HRK: variants seen among roughly 807,000 people sequenced by gnomAD.
HRK encodes harakiri, BCL2 interacting protein, also known as activator of apoptosis harakiri.
A neutral mutation model predicts 5.9 loss-of-function variants in HRK; 6 were observed. The ratio of observed to expected loss-of-function variants is 1.02; its 90% confidence interval spans 0.56 to 2.01. The LOEUF is 2.01. Among genes scored for constraint, HRK ranks in the 30% most tolerant of loss-of-function variants. HRK has a pLI of 0.00. For missense variants in HRK, 133 were observed against 128.3 expected (o/e 1.04, Z -0.18); for synonymous variants, 85 against 65.1 (o/e 1.31, Z -1.47).
chr12:116,868,129 A>AT (rs5801204), intron 1 of HRK, among the ~76,000 whole-genome samples: 12 of 149,450 alleles, frequency 8.0e-5, no homozygotes, highest in South Asian at 4.2e-4. Context: ...AAAATGACTG[A>AT]TTTTTTTTTT....
chr12:116,872,577 C>T (rs534950715), intron 1 of HRK, among the ~76,000 whole-genome samples: 9 of 151,814 alleles, frequency 5.9e-5, no homozygotes, highest in African/African-American at 2.2e-4. Context: ...GAGTTCAAGA[C>T]CAGCCTGGGC....
rs770658093 is a variant in HRK at position 116,881,008 on chromosome 12, G to C, written c.*24C>G. On this transcript the variant is annotated 3_prime_UTR_variant, in exon 1 of 2. Coordinates refer to ENST00000257572, the MANE Select transcript of HRK (RefSeq NM_003806.4). ...TCGCTCCGGCTGGGTCTCGGCTCCGGCCCCACCAAGAAGCCCCGCGTTCCT... is the reference window on the plus strand; with the variant it reads ...TCGCTCCGGCTGGGTCTCGGCTCCGCCCCCACCAAGAAGCCCCGCGTTCCT... 1.5e-6 allele frequency: 2 copies of C among 1,314,748 alleles called. No homozygotes were observed. The highest frequency in any genetic ancestry group is 9.7e-7 in the Non-Finnish European group (1 of 1,034,774). 81.4% of individuals were successfully genotyped at this position (1,314,748 alleles called of 1,614,324 possible).
Position 116,859,670 on chromosome 12 carries a change from C to T in HRK, c.*1853G>A, listed in dbSNP as rs1271784846. 2 of 146,452 alleles carry T rather than the reference C, an allele frequency of 1.4e-5. No individual in the cohort carries two copies. Among genetic ancestry groups the T allele is most frequent in the African/African-American group, 4.9e-5 (2 of 40,484 alleles). The allele number at this position is 146,452 out of a possible 1,614,324, so 9.1% of individuals were successfully genotyped here. On this transcript the variant is annotated 3_prime_UTR_variant, in exon 2 of 2. Transcript: ENST00000257572. ...TTTTTTTGGTTTGCTGAGTTCAAAG[C>T]TGCGGGGTGGGGGAGTCTTCCCTGG...
intron 1 of HRK, among the ~76,000 whole-genome samples, chr12:116,871,737 C>G (rs1878761472): frequency 6.6e-6 from 1 of 151,144 alleles, no homozygotes; most frequent in South Asian, 2.1e-4. Flanking sequence ...AAGCGATCCT[C>G]CCATCTCAGC....
chr12:116,879,809 C>T lies in HRK; in HGVS notation c.*56+1167G>A, dbSNP rs1299984305. On this transcript the variant is annotated intron_variant, in intron 1 of 1. Transcript: ENST00000257572. The surrounding 1 kb of genome is among the most constrained non-coding windows in gnomAD (Gnocchi z 5.6). Reference sequence around the variant, plus strand: ...TCGGGCCTCGCCTTCAGGCGCCGCTCCAACTTCCCAGGGTGTCTGCGGCGC... The same window carrying T: ...TCGGGCCTCGCCTTCAGGCGCCGCTTCAACTTCCCAGGGTGTCTGCGGCGC... Among the ~76,000 whole-genome samples, 1 of 152,214 alleles carries T rather than the reference C, an allele frequency of 6.6e-6. No homozygotes were observed. Among genetic ancestry groups the T allele is most frequent in the African/African-American group, 2.4e-5 (1 of 41,464 alleles).
At chr12:116,868,503 A>G (rs1450380180) in intron 1 of HRK, among the ~76,000 whole-genome samples, 1 of 152,172 alleles carries the variant, frequency 6.6e-6, no homozygotes, top group African/African-American at 2.4e-5. Context: ...GGCTCTGGCT[A>G]TGTTTCCAGA....
In HRK at chr12:116,872,856, AG is replaced by A. The variant is rs1878805041; in HGVS notation, c.*56+8119del. Among the ~76,000 whole-genome samples, 7 of 127,590 alleles carry A rather than the reference AG, an allele frequency of 5.5e-5. 1 individual carries two copies. The South Asian group carries it at 2.0e-3, about 37-fold the overall frequency. The allele number at this position is 127,590 out of a possible 152,430, so 83.7% of individuals were successfully genotyped here. ...AGGGACGGAAGGAAGGAAGGAAGAG[AG>A]GGAGGGAGGGAGGCAGGCAGGGAGG... is the stretch of plus-strand genomic sequence containing the variant. On this transcript the variant is annotated intron_variant, in intron 1 of 1. Transcript: ENST00000257572.
intron 1 of HRK, among the ~76,000 whole-genome samples, chr12:116,870,537 G>A (rs1298884665): frequency 6.6e-6 from 1 of 152,202 alleles, no homozygotes; most frequent in East Asian, 1.9e-4. Context: ...CATGGGCTGG[G>A]CACAGTGGCT....
chr12:116,857,563 G>A lies in HRK; in HGVS notation c.*3960C>T, dbSNP rs1297105220. ...GCCACTGTCCCTAAAAGATACTTGTGTAGGAGGTGGGTGGGTGAGGACTCC... is the reference window on the plus strand; with the variant it reads ...GCCACTGTCCCTAAAAGATACTTGTATAGGAGGTGGGTGGGTGAGGACTCC... On this transcript the variant is annotated 3_prime_UTR_variant, in exon 2 of 2. Coordinates refer to ENST00000257572, the MANE Select transcript of HRK (RefSeq NM_003806.4). The A allele has an allele frequency of 6.6e-6, 1 of 152,238 alleles. No individual in the cohort carries two copies. Among genetic ancestry groups the A allele is most frequent in the Non-Finnish European group, 1.5e-5 (1 of 68,046 alleles). The allele number at this position is 152,238 out of a possible 1,614,324, so 9.4% of individuals were successfully genotyped here. A position where few individuals can be genotyped will look rare whatever the true frequency, so the allele number is the denominator to read the frequency against.
rs1879056188 is a variant in HRK at position 116,879,390 on chromosome 12, C to G, written c.*56+1586G>C. On this transcript the variant is annotated intron_variant, in intron 1 of 1. Coordinates refer to ENST00000257572, the MANE Select transcript of HRK (RefSeq NM_003806.4). The surrounding 1 kb of genome is among the most constrained non-coding windows in gnomAD (Gnocchi z 5.6). ...GCTTGTTTTTTCTCTTCCTCTTCGCCCACTTTTTTTCTGCCTCTTCCCAAA... is the reference window on the plus strand; with the variant it reads ...GCTTGTTTTTTCTCTTCCTCTTCGCGCACTTTTTTTCTGCCTCTTCCCAAA... 1 of 152,306 alleles carries G rather than the reference C, an allele frequency of 6.6e-6. No individual in the cohort carries two copies. Among genetic ancestry groups the G allele is most frequent in the South Asian group, 2.1e-4 (1 of 4,832 alleles). The allele number at this position is 152,306 out of a possible 1,614,324, so 9.4% of individuals were successfully genotyped here.
rs1281296503 is a variant in HRK at position 116,876,345 on chromosome 12, G to A, written c.*56+4631C>T. On this transcript the variant is annotated intron_variant, in intron 1 of 1. Coordinates refer to ENST00000257572, the MANE Select transcript of HRK (RefSeq NM_003806.4). ...AAAGTAATTCTGGCAGGGGTGCTGCGAGCTGGGAGGGAGGCCTGCGGGATG... is the reference window on the plus strand; with the variant it reads ...AAAGTAATTCTGGCAGGGGTGCTGCAAGCTGGGAGGGAGGCCTGCGGGATG... Among the ~76,000 whole-genome samples the A allele has an allele frequency of 3.9e-5, 6 of 152,336 alleles. No homozygotes were observed. In the South Asian group the frequency reaches 6.2e-4, roughly 16 times the overall value.
chr12:116,881,355 C>T lies in HRK; in HGVS notation c.-48G>A. On this transcript the variant is annotated 5_prime_UTR_variant, in exon 1 of 2. Coordinates refer to ENST00000257572, the MANE Select transcript of HRK (RefSeq NM_003806.4). ...CCGCGCTCGGGCCGCCCCTCGCCTC[C>T]TCTCCCTCCGGCCTCTGCGCCCGCT... is the stretch of plus-strand genomic sequence containing the variant. 1 of 1,055,814 alleles carries T rather than the reference C, an allele frequency of 9.5e-7. No homozygotes were observed. Among genetic ancestry groups the T allele is most frequent in the Non-Finnish European group, 1.1e-6 (1 of 876,920 alleles). The allele number at this position is 1,055,814 out of a possible 1,614,324, so 65.4% of individuals were successfully genotyped here.
intron 1 of HRK, among the ~76,000 whole-genome samples, chr12:116,877,002 A>G (rs934048352): frequency 3.3e-5 from 5 of 152,186 alleles, no homozygotes; most frequent in African/African-American, 1.2e-4. Context: ...AAGGAATGAC[A>G]CTGACCATTT....
intron 1 of HRK, among the ~76,000 whole-genome samples, chr12:116,866,462 C>T (rs1276956112): frequency 2.0e-5 from 3 of 151,856 alleles, no homozygotes; most frequent in Non-Finnish European, 4.4e-5. Context: ...AAGATTGCTC[C>T]GGTCCATGTT....
chr12:116,865,307 C>A (rs1217514706), intron 1 of HRK, among the ~76,000 whole-genome samples: 3 of 151,822 alleles, frequency 2.0e-5, no homozygotes, highest in African/African-American at 7.3e-5. Flanking sequence ...TTTGGGAGGC[C>A]AAGGAGGCCA....
chr12:116,880,419 C>CTGGGCCAGCCAGAAAT, intron 1 of HRK, among the ~76,000 whole-genome samples: 1 of 152,042 alleles, frequency 6.6e-6, no homozygotes, highest in Admixed American at 6.6e-5. Flanking sequence ...CAGCCAGAAA[C>CTGGGCCAGCCAGAAAT]CTGGAGGGGG....
chr12:116,874,052 T>C (rs1878851574), intron 1 of HRK, among the ~76,000 whole-genome samples: 1 of 152,028 alleles, frequency 6.6e-6, no homozygotes, highest in Admixed American at 6.6e-5. Flanking sequence ...CATGAGTGAG[T>C]TGGTTCAGGG....
chr12:116,861,118 C>CAGAT lies in HRK; in HGVS notation c.*404_*405insATCT, dbSNP rs1192767067. 2 of 152,220 alleles carry CAGAT rather than the reference C, an allele frequency of 1.3e-5. No individual in the cohort carries two copies. The highest frequency in any genetic ancestry group is 4.8e-5 in the African/African-American group (2 of 41,460). 9.4% of individuals were successfully genotyped at this position (152,220 alleles called of 1,614,324 possible). ...AAATAGTTTCTAAGTACACAGCAGGCATCTCTCTTCTGGCGCCCCAGACAT... is the reference window on the plus strand; with the variant it reads ...AAATAGTTTCTAAGTACACAGCAGGCAGATATCTCTCTTCTGGCGCCCCAGACAT... On this transcript the variant is annotated 3_prime_UTR_variant, in exon 2 of 2. Transcript: ENST00000257572.
At position 116,878,110 on chromosome 12, in the gene HRK, T is replaced by C. The variant is rs1441244027; in HGVS notation, c.*56+2866A>G. ...TTTGTATTTTTAGTAGAGATGGGGT[T>C]TCACCATGTTGGCCATGCTGGTCTC... On this transcript the variant is annotated intron_variant, in intron 1 of 1. Coordinates refer to ENST00000257572, the MANE Select transcript of HRK (RefSeq NM_003806.4). The surrounding 1 kb of genome is among the most constrained non-coding windows in gnomAD (Gnocchi z 4.4). Among the ~76,000 whole-genome samples, 2 of 152,166 alleles carry C rather than the reference T, an allele frequency of 1.3e-5. No homozygotes were observed. Among genetic ancestry groups the C allele is most frequent in the Non-Finnish European group, 2.9e-5 (2 of 68,038 alleles).
Sources: gnomAD v4.1 joint callset for allele counts (sites outside exome capture counted in the v4.1 genomes callset) on GRCh38, gnomAD v4.1.1 for gene constraint, Gnocchi (gnomAD v3.1) non-coding constraint, MANE v1.5 for transcripts, NCBI Gene and HGNC (gene_info 2026-07-23, HGNC 2026-07-21) for gene names.